PDIA5: variants seen among roughly 807,000 people sequenced by gnomAD.
PDIA5 encodes protein disulfide isomerase family A member 5, also known as protein disulfide-isomerase A5.
PDIA5 carries 58 observed loss-of-function variants against 77.6 expected under a neutral mutation model. That is an observed-to-expected ratio of 0.75 (90% CI 0.61 to 0.93). The LOEUF (loss-of-function observed/expected upper bound fraction) is 0.93. PDIA5 is among the 40% of genes least tolerant of loss of function. PDIA5 has a pLI of 0.00. For missense variants in PDIA5, 630 were observed against 647.7 expected (o/e 0.97, Z 0.30); for synonymous variants, 250 against 252.1 (o/e 0.99, Z 0.08).
rs946405220 is a variant in PDIA5 at position 123,089,405 on chromosome 3, G to C, written c.169+111G>C. 1.7e-5 allele frequency: 17 copies of C among 1,014,366 alleles called. 1 individual carries two copies. In the Middle Eastern group the frequency reaches 9.0e-4, roughly 54 times the overall value. The allele number at this position is 1,014,366 out of a possible 1,614,324, so 62.8% of individuals were successfully genotyped here. A position where few individuals can be genotyped will look rare whatever the true frequency, so the allele number is the denominator to read the frequency against. ...TGAAAACCACTTAGGGAGGGTCCAA[G>C]GGACATGGGGTTTGTCACCTTTCCT... On this transcript the variant is annotated intron_variant, in intron 2 of 16. Transcript: ENST00000316218.
chr3:123,077,341 C>G (rs575551252), intron 1 of PDIA5, among the ~76,000 whole-genome samples: 1 of 152,314 alleles, frequency 6.6e-6, no homozygotes, highest in African/African-American at 2.4e-5. Flanking sequence ...GCTGGTCATA[C>G]AATAAGCACT....
intron 9 of PDIA5, 51 bp from the exon 10 acceptor site, chr3:123,124,221 G>A (rs779742224): frequency 1.1e-5 from 18 of 1,578,008 alleles, no homozygotes; most frequent in Non-Finnish European, 1.6e-5. Context: ...TAATCTCAGG[G>A]TGGCATTTGC....
At chr3:123,138,400 C>T (rs1349305549) in intron 11 of PDIA5, among the ~76,000 whole-genome samples, 2 of 152,020 alleles carry the variant, frequency 1.3e-5, no homozygotes, top group Non-Finnish European at 2.9e-5. Context: ...AATATAATGA[C>T]ACTGTAAATT....
chr3:123,112,063 A>T (rs1934875825), intron 7 of PDIA5, among the ~76,000 whole-genome samples: 1 of 152,138 alleles, frequency 6.6e-6, no homozygotes, highest in Non-Finnish European at 1.5e-5. Flanking sequence ...TGTAACAGAG[A>T]CGGCGTGGCC....
At chr3:123,160,942 A>G (rs1342586028) in intron 15 of PDIA5, among the ~76,000 whole-genome samples, 3 of 152,160 alleles carry the variant, frequency 2.0e-5, no homozygotes, top group Non-Finnish European at 2.9e-5. Context: ...TGTCCCCCCA[A>G]GCTAATGTTC....
At chr3:123,155,540 G>A (rs1936001681) in intron 15 of PDIA5, among the ~76,000 whole-genome samples, 1 of 152,220 alleles carries the variant, frequency 6.6e-6, no homozygotes, top group Non-Finnish European at 1.5e-5. Context: ...AGGGCCTCCA[G>A]GCGCGTCCCC....
chr3:123,151,943 G>GCCTGCCTTCCTT (rs1935916736), intron 14 of PDIA5, among the ~76,000 whole-genome samples: 1 of 111,844 alleles, frequency 8.9e-6, no homozygotes, highest in Admixed American at 8.9e-5. Context: ...CTTCCTTCCT[G>GCCTGCCTTCCTT]CCTGCCTTCC....
intron 7 of PDIA5, among the ~76,000 whole-genome samples, chr3:123,114,234 G>T (rs857046): frequency 0.24 from 36,840 of 152,124 alleles, 5,139 homozygotes; most frequent in African/African-American, 0.39. Flanking sequence ...GCCCAGTGGG[G>T]GTCAGACTGA....
chr3:123,156,448 G>A (rs560337392), intron 15 of PDIA5, among the ~76,000 whole-genome samples: 1 of 152,166 alleles, frequency 6.6e-6, no homozygotes, highest in Non-Finnish European at 1.5e-5. Flanking sequence ...CTTCCTTCCC[G>A]TGTCCATGTC....
intron 1 of PDIA5, among the ~76,000 whole-genome samples, chr3:123,079,395 T>C (rs1409775042): frequency 6.6e-6 from 1 of 152,162 alleles, no homozygotes; most frequent in African/African-American, 2.4e-5. Context: ...TTGGCCAGGA[T>C]GGTCTCGATC....
In PDIA5 at chr3:123,114,147, G is replaced by A. The variant is rs114364554; in HGVS notation, c.542-2084G>A. Among the ~76,000 whole-genome samples, 756 of 152,344 alleles carry A rather than the reference G, an allele frequency of 5.0e-3. 3 individuals are homozygous for A. The highest frequency in any genetic ancestry group is 0.017 in the African/African-American group (706 of 41,578). On this transcript the variant is annotated intron_variant, in intron 7 of 16. Transcript: ENST00000316218. ...TTTCAGGGTGTTATTGCTGCAGGCT[G>A]CAAACAGGCGAAACAGGAAGAGAGA...
chr3:123,131,514 G>A (rs9784306), intron 11 of PDIA5, among the ~76,000 whole-genome samples: 2,859 of 150,202 alleles, frequency 0.019, 83 homozygotes, highest in African/African-American at 0.066. Flanking sequence ...ACAAGTGGTC[G>A]CGGGCTGAGG....
intron 8 of PDIA5, among the ~76,000 whole-genome samples, chr3:123,117,665 T>C (rs1456735899): frequency 1.3e-5 from 2 of 152,090 alleles, no homozygotes; most frequent in African/African-American, 4.8e-5. Flanking sequence ...TCCTTCTTTT[T>C]TTAGGGCTGA....
intron 14 of PDIA5, among the ~76,000 whole-genome samples, chr3:123,152,138 TGCCTGCCTTCCTTTCTGCCTTCCA>T (rs1935929488): frequency 6.7e-6 from 1 of 149,746 alleles, no homozygotes; most frequent in Non-Finnish European, 1.5e-5. Flanking sequence ...CCTTCCTTCC[TGCCTGCCTTCCTTTCTGCCTTCCA>T]GCCTGCCTGC....
intron 14 of PDIA5, among the ~76,000 whole-genome samples, chr3:123,152,766 T>G (rs1935941629): frequency 6.6e-6 from 1 of 152,096 alleles, no homozygotes; most frequent in Admixed American, 6.6e-5. Flanking sequence ...GCATCCTGTC[T>G]CCCCAGCTTC....
chr3:123,099,610 C>T lies in PDIA5; in HGVS notation c.258-2801C>T, dbSNP rs115686007. ...TGGAGTGAGGCAGGAGGCTGTGCAC[C>T]GGGCTGAAACTTGGAGGCCACGCTG... On this transcript the variant is annotated intron_variant, in intron 3 of 16. Coordinates refer to ENST00000316218, the MANE Select transcript of PDIA5 (RefSeq NM_006810.4). Among the ~76,000 whole-genome samples, 991 of 152,266 alleles carry T rather than the reference C, an allele frequency of 6.5e-3. 14 individuals are homozygous for T. Among genetic ancestry groups the T allele is most frequent in the African/African-American group, 0.022 (917 of 41,558 alleles).
rs554770206 is a variant in PDIA5 at position 123,077,946 on chromosome 3, A to T, written c.42+10740A>T. On this transcript the variant is annotated intron_variant, in intron 1 of 16. Transcript: ENST00000316218. ...TGTCTCAGCCTCCCGAGTAGCTGGG[A>T]CTACAGGCACGTGCCACCATGCCCA... Among the ~76,000 whole-genome samples, 14 of 151,718 alleles carry T rather than the reference A, an allele frequency of 9.2e-5. No homozygotes were observed. In the East Asian group the frequency reaches 2.7e-3, roughly 29 times the overall value.
intron 7 of PDIA5, among the ~76,000 whole-genome samples, chr3:123,112,850 G>A (rs1235537326): frequency 6.6e-6 from 1 of 151,984 alleles, no homozygotes; most frequent in South Asian, 2.1e-4. Flanking sequence ...GTGAACCACC[G>A]TGCCCGGCCC....
chr3:123,123,972 T>C (rs1935178964), intron 8 of PDIA5, 94 bp from the exon 9 acceptor site: 5 of 818,418 alleles, frequency 6.1e-6, no homozygotes, highest in Non-Finnish European at 1.1e-5. Context: ...CCCATATGTC[T>C]TTCTGGTGGG....
Sources: gnomAD v4.1 joint callset for allele counts (sites outside exome capture counted in the v4.1 genomes callset) on GRCh38, gnomAD v4.1.1 for gene constraint, MANE v1.5 for transcripts, NCBI Gene and HGNC (gene_info 2026-07-23, HGNC 2026-07-21) for gene names.